Variants in FANCL observed in about 807,000 individuals in gnomAD.
FANCL encodes the protein E3 ubiquitin-protein ligase FANCL.
FANCL carries 69 observed loss-of-function variants against 59.4 expected under a neutral mutation model. The ratio of observed to expected loss-of-function variants is 1.16; its 90% CI spans 0.96 to 1.42. The LOEUF (loss-of-function observed/expected upper bound fraction) is 1.42, where lower values mean the gene tolerates loss of function less well. Among genes scored for constraint, FANCL ranks in the 40% most tolerant of loss-of-function variants. The pLI is 0.00. For synonymous variants in FANCL, 180 were observed against 147.1 expected (o/e 1.22, Z -1.62); for missense variants, 519 against 447.2 (o/e 1.16, Z -1.45).
chr2:58,176,497 G>T (rs541416979), intron 7 of FANCL, among the ~76,000 whole-genome samples: 196 of 152,120 alleles, frequency 1.3e-3, no homozygotes, highest in African/African-American at 3.5e-3. Flanking sequence ...CTACCTGATC[G>T]TTGACAAACC....
chr2:58,220,270 A>G (rs1251713767), intron 5 of FANCL, among the ~76,000 whole-genome samples: 2 of 152,222 alleles, frequency 1.3e-5, no homozygotes, highest in African/African-American at 4.8e-5. Context: ...AAGGTAAAGA[A>G]GTATTCATAA....
chr2:58,216,886 C>A (rs1691775473), intron 5 of FANCL, among the ~76,000 whole-genome samples: 1 of 151,696 alleles, frequency 6.6e-6, no homozygotes, highest in Non-Finnish European at 1.5e-5. Flanking sequence ...GCTCGCTTCT[C>A]TACCATCCTT....
chr2:58,164,453 A>G (rs540646925), intron 8 of FANCL, among the ~76,000 whole-genome samples: 2 of 152,134 alleles, frequency 1.3e-5, no homozygotes, highest in East Asian at 3.9e-4. Flanking sequence ...CTATGAACAG[A>G]AATTTCTTAT....
chr2:58,230,334 C>T (rs1693455737), intron 2 of FANCL, among the ~76,000 whole-genome samples: 2 of 151,996 alleles, frequency 1.3e-5, no homozygotes, highest in South Asian at 4.1e-4. Flanking sequence ...GAGACAGGAT[C>T]TCGCTCTGTC....
chr2:58,170,314 T>C (rs940706138), intron 7 of FANCL, among the ~76,000 whole-genome samples: 3 of 152,088 alleles, frequency 2.0e-5, no homozygotes, highest in Admixed American at 6.6e-5. Context: ...AGAAATAAAA[T>C]CCTTTACAGA....
chr2:58,241,209 G>A lies in FANCL; in HGVS notation c.96+9C>T, dbSNP rs1315025064. 1.2e-6 allele frequency: 2 copies of A among 1,614,064 alleles called. No individual in the cohort carries two copies. ...TCTCTTAGCTAGAAAGCAACCACTG[G>A]GCGGGTACCTGAGCCGAGATGAATC... On this transcript the variant is annotated intron_variant, in intron 1 of 13. Coordinates refer to ENST00000233741, the MANE Select transcript of FANCL (RefSeq NM_018062.4).
intron 4 of FANCL, among the ~76,000 whole-genome samples, chr2:58,223,839 A>G (rs932319230): frequency 2.0e-5 from 3 of 151,906 alleles, no homozygotes; most frequent in African/African-American, 7.2e-5. Flanking sequence ...GATTTACAAC[A>G]TTTTCTGAAT....
chr2:58,191,683 GCTGT>G (rs373105042), intron 7 of FANCL, among the ~76,000 whole-genome samples: 1,904 of 151,774 alleles, frequency 0.013, 18 homozygotes, highest in African/African-American at 0.023. Flanking sequence ...GATAATAATT[GCTGT>G]CTGACAGATA....
chr2:58,241,175 G>T, intron 1 of FANCL, 43 bp downstream of exon 1: 1 of 1,600,358 alleles, frequency 6.2e-7, no homozygotes, highest in Non-Finnish European at 8.6e-7. Flanking sequence ...CAGCTACGCT[G>T]CAAGAGGCTC....
At chr2:58,215,521 A>G (rs1274869711) in intron 5 of FANCL, among the ~76,000 whole-genome samples, 2 of 152,184 alleles carry the variant, frequency 1.3e-5, no homozygotes, top group Non-Finnish European at 2.9e-5. Flanking sequence ...AAAAATTGAA[A>G]GCATCAAAGA....
chr2:58,197,944 G>C (rs892599154), intron 7 of FANCL, among the ~76,000 whole-genome samples: 4 of 151,952 alleles, frequency 2.6e-5, no homozygotes, highest in African/African-American at 9.7e-5. Flanking sequence ...GAGTTCTTTG[G>C]AATTTAAATT....
In FANCL at chr2:58,204,226, T is replaced by C. The variant is rs1035793922; in HGVS notation, c.375A>G (p.Lys125=). The C allele has an allele frequency of 6.2e-7, 1 of 1,611,572 alleles. No homozygotes were observed. Among genetic ancestry groups the C allele is most frequent in the Non-Finnish European group, 8.5e-7 (1 of 1,177,974 alleles). The change falls in exon 6 of 14, where the codon AAA becomes AAG. Residue 125 remains lysine (K), a splice_region_variant and synonymous_variant. Coordinates refer to ENST00000233741, the MANE Select transcript of FANCL (RefSeq NM_018062.4). Reference sequence around the variant, plus strand: ...TGAAGCAGGTATCCGCATACACAAGTCTGGTGAGCAGAGGAGAATAAAAAA... The same window carrying C: ...TGAAGCAGGTATCCGCATACACAAGCCTGGTGAGCAGAGGAGAATAAAAAA... ...IEEIGTLGWD[K]LVYADTCFST...
intron 7 of FANCL, among the ~76,000 whole-genome samples, chr2:58,180,089 T>G (rs542010887): frequency 1.3e-5 from 2 of 152,242 alleles, no homozygotes; most frequent in South Asian, 4.1e-4. Context: ...CTGAAGAGGA[T>G]GTGGAGAAAT....
At chr2:58,171,533 C>G (rs566554996) in intron 7 of FANCL, among the ~76,000 whole-genome samples, 47 of 152,222 alleles carry the variant, frequency 3.1e-4, no homozygotes, top group Admixed American at 9.8e-4. Context: ...CAGAGCAGAA[C>G]TGAAGGAGAT....
intron 5 of FANCL, among the ~76,000 whole-genome samples, chr2:58,219,646 C>T (rs969060066): frequency 6.6e-6 from 1 of 151,710 alleles, no homozygotes; most frequent in East Asian, 1.9e-4. Flanking sequence ...AGAAGAATCA[C>T]AGGAGAACAA....
At chr2:58,202,817 C>G (rs1036461062) in intron 6 of FANCL, among the ~76,000 whole-genome samples, 1 of 151,814 alleles carries the variant, frequency 6.6e-6, no homozygotes, top group African/African-American at 2.4e-5. Flanking sequence ...AAAGGCAGCA[C>G]AAATTTACAG....
chr2:58,172,800 G>C (rs374687261), intron 7 of FANCL, among the ~76,000 whole-genome samples: 1 of 152,318 alleles, frequency 6.6e-6, no homozygotes, highest in African/African-American at 2.4e-5. Flanking sequence ...TGACTTTGAC[G>C]AGTTGAGAGA....
chr2:58,165,824 T>TA lies in FANCL; in HGVS notation c.590dup (p.Ala199GlyfsTer8). On this transcript the variant is annotated frameshift_variant, in exon 8 of 14. Transcript: ENST00000233741. LOFTEE classifies it high-confidence loss of function. The stretch of plus-strand genomic sequence containing the variant: ...CATCCATAACATCCCAGAATGCCTT[T>TA]AGTGATTCTATTGCTGCCAAAAACT... 1 of 1,614,088 alleles carries TA rather than the reference T, an allele frequency of 6.2e-7. No homozygotes were observed. Among genetic ancestry groups the TA allele is most frequent in the Non-Finnish European group, 8.5e-7 (1 of 1,179,952 alleles).
chr2:58,222,379 T>C (rs975503508), intron 4 of FANCL, among the ~76,000 whole-genome samples: 8 of 152,110 alleles, frequency 5.3e-5, no homozygotes, highest in African/African-American at 1.9e-4. Context: ...CCCATGAATA[T>C]GATGTTTGAT....
Sources: allele counts gnomAD v4.1 joint callset (sites outside exome capture counted in the v4.1 genomes callset), GRCh38; gene constraint gnomAD v4.1.1; transcripts MANE v1.5; gene names NCBI Gene and HGNC (gene_info 2026-07-23, HGNC 2026-07-21).